ZNF780B: variants seen among roughly 807,000 people sequenced by gnomAD.
ZNF780B encodes the protein zinc finger protein 779.
A neutral mutation model predicts 74.1 loss-of-function variants in ZNF780B; 52 were observed. The observed-to-expected ratio is 0.70, with a 90% CI of 0.56 to 0.88. The LOEUF (loss-of-function observed/expected upper bound fraction) is 0.88. ZNF780B is among the 40% of genes least tolerant of loss of function. The probability of loss-of-function intolerance (pLI) is 0.00; values close to 1 mark genes in which losing one functional copy is unlikely to be tolerated. For missense variants in ZNF780B, 953 were observed against 1,007.6 expected (o/e 0.95, Z 0.73); for synonymous variants, 315 against 324.3 (o/e 0.97, Z 0.31).
chr19:40,041,896 GC>G (rs1357113268), intron 4 of ZNF780B, among the ~76,000 whole-genome samples: 1 of 152,158 alleles, frequency 6.6e-6, no homozygotes. Context: ...GGAGAATTTA[GC>G]CCATTTACAT....
Position 40,050,379 on chromosome 19 carries a change from T to C in ZNF780B, c.-45-2A>G, listed in dbSNP as rs924383467. On this transcript the variant is annotated splice_acceptor_variant, in intron 1 of 4. Coordinates refer to ENST00000434248, the MANE Select transcript of ZNF780B (RefSeq NM_001005851.3). LOFTEE classifies it low-confidence loss of function (5UTR_SPLICE). ...GTCAATCTTCCTCGGGCTTCTCCCCTGGAAAACAACAACAACAAAAAGGCC... is the reference window on the plus strand; with the variant it reads ...GTCAATCTTCCTCGGGCTTCTCCCCCGGAAAACAACAACAACAAAAAGGCC... 9 of 1,580,554 alleles carry C rather than the reference T, an allele frequency of 5.7e-6. No homozygotes were observed. Among genetic ancestry groups the C allele is most frequent in the Admixed American group, 1.8e-5 (1 of 57,040 alleles).
At position 40,050,356 on chromosome 19, in the gene ZNF780B, C is replaced by T; in HGVS notation, c.-24G>A. ...ATGTTTCTAGAATTACAAAATTGGT[C>T]AATCTTCCTCGGGCTTCTCCCCTGG... is the stretch of plus-strand genomic sequence containing the variant. On this transcript the variant is annotated 5_prime_UTR_variant, in exon 2 of 5. Coordinates refer to ENST00000434248, the MANE Select transcript of ZNF780B (RefSeq NM_001005851.3). 3.8e-6 allele frequency: 6 copies of T among 1,590,802 alleles called. No individual in the cohort carries two copies. Among genetic ancestry groups the T allele is most frequent in the Non-Finnish European group, 5.1e-6 (6 of 1,174,800 alleles).
At position 40,048,669 on chromosome 19, in the gene ZNF780B, C is replaced by T. The variant is rs746072082; in HGVS notation, c.136+1G>A. 1 of 1,614,186 alleles carries T rather than the reference C, an allele frequency of 6.2e-7. No individual in the cohort carries two copies. Among genetic ancestry groups the T allele is most frequent in the Non-Finnish European group, 8.5e-7 (1 of 1,180,022 alleles). On this transcript the variant is annotated splice_donor_variant, in intron 3 of 4. Transcript: ENST00000434248. LOFTEE classifies it high-confidence loss of function. ...AAAATAACTGGGACCAATGACCTTA[C>T]CCAGTGATATCAGGTGGCTGTAGTT...
At chr19:40,052,761 A>G (rs1219076139) in intron 1 of ZNF780B, among the ~76,000 whole-genome samples, 1 of 152,174 alleles carries the variant, frequency 6.6e-6, no homozygotes, top group Non-Finnish European at 1.5e-5. Context: ...GGAACAGAAT[A>G]GAGAGCCCCA....
At position 40,036,175 on chromosome 19, in the gene ZNF780B, T is replaced by C; in HGVS notation, c.684A>G (p.Lys228=). The C allele has an allele frequency of 6.2e-7, 1 of 1,613,826 alleles. No homozygotes were observed. The highest frequency in any genetic ancestry group is 8.5e-7 in the Non-Finnish European group (1 of 1,179,916). Residue 228 remains lysine, a synonymous_variant, in exon 5 of 5, where the codon AAA becomes AAG. Transcript: ENST00000434248. ...EKTFECKECG[K]AFNLPTQLNR... The stretch of plus-strand genomic sequence containing the variant: ...TAAGCTGGGTGGGAAGATTAAAGGC[T>C]TTTCCACATTCCTTACATTCAAAAG...
In ZNF780B at chr19:40,032,861, G is replaced by C. The variant is rs1041322832; in HGVS notation, c.*1496C>G. 2 of 153,172 alleles carry C rather than the reference G, an allele frequency of 1.3e-5. No individual in the cohort carries two copies. The highest frequency in any genetic ancestry group is 4.8e-5 in the African/African-American group (2 of 41,382). 9.5% of individuals were successfully genotyped at this position (153,172 alleles called of 1,614,324 possible). ...TATGGTACTATGGTTATATGATATT[G>C]TCTTTATGTTTGGGTAACACACATG... On this transcript the variant is annotated 3_prime_UTR_variant, in exon 5 of 5. Transcript: ENST00000434248.
In ZNF780B at chr19:40,051,311, C is replaced by T. The variant is rs543735690; in HGVS notation, c.-45-934G>A. On this transcript the variant is annotated intron_variant, in intron 1 of 4. Coordinates refer to ENST00000434248, the MANE Select transcript of ZNF780B (RefSeq NM_001005851.3). The stretch of plus-strand genomic sequence containing the variant: ...ATGTACATACACATTTTTTTTCTTG[C>T]GAGGAAATTGTTCTCCAAATTAGAT... Among the ~76,000 whole-genome samples, 5 of 151,584 alleles carry T rather than the reference C, an allele frequency of 3.3e-5. No homozygotes were observed. The South Asian group carries it at 6.2e-4, about 19-fold the overall frequency.
chr19:40,044,644 G>A (rs953524046), intron 4 of ZNF780B, among the ~76,000 whole-genome samples: 3 of 152,106 alleles, frequency 2.0e-5, no homozygotes, highest in Non-Finnish European at 4.4e-5. Flanking sequence ...AGAAGTGAAA[G>A]GACAATATCT....
At chr19:40,043,783 C>T (rs900778611) in intron 4 of ZNF780B, among the ~76,000 whole-genome samples, 3 of 152,206 alleles carry the variant, frequency 2.0e-5, no homozygotes, top group Non-Finnish European at 4.4e-5. Context: ...GGGAGTGACC[C>T]GATTTTCCAG....
chr19:40,036,668 A>G, intron 4 of ZNF780B, 42 bp from the exon 5 acceptor site: 1 of 1,226,106 alleles, frequency 8.2e-7, no homozygotes, highest in Non-Finnish European at 1.1e-6. Context: ...ATTTTCCTAT[A>G]ACATACATGC....
intron 1 of ZNF780B, among the ~76,000 whole-genome samples, chr19:40,055,196 G>A (rs1196724732): frequency 1.4e-5 from 2 of 147,962 alleles, no homozygotes; most frequent in Admixed American, 6.7e-5. Flanking sequence ...AGAAGAGAGC[G>A]TACAGGAAGG....
Position 40,034,780 on chromosome 19 carries a change from A to T in ZNF780B, c.2079T>A (p.Ser693Arg), listed in dbSNP as rs757845169. 1 of 1,613,660 alleles carries T rather than the reference A, an allele frequency of 6.2e-7. No homozygotes were observed. The highest frequency in any genetic ancestry group is 8.5e-7 in the Non-Finnish European group (1 of 1,179,954). The change falls in exon 5 of 5, where the codon AGT (serine) becomes AGA (arginine). Residue 693 changes from serine to arginine, a missense_variant. Coordinates refer to ENST00000434248, the MANE Select transcript of ZNF780B (RefSeq NM_001005851.3). Reference protein sequence around the residue: ...NLIQHQKTHSSAKPFVCKECR... With the variant: ...NLIQHQKTHSRAKPFVCKECR... ...ACTCCTTACATACAAAGGGTTTCGC[A>T]CTGGAATGAGTTTTCTGATGCTGAA...
chr19:40,048,049 A>G (rs1464349122), intron 3 of ZNF780B, among the ~76,000 whole-genome samples: 1 of 152,242 alleles, frequency 6.6e-6, no homozygotes, highest in Admixed American at 6.5e-5. Context: ...CTACAAAACA[A>G]GTAACGGAAG....
In ZNF780B at chr19:40,043,713, G is replaced by A. The variant is rs932298724; in HGVS notation, c.232+3662C>T. Among the ~76,000 whole-genome samples, 8 of 152,234 alleles carry A rather than the reference G, an allele frequency of 5.3e-5. No homozygotes were observed. In the East Asian group the frequency reaches 5.8e-4, roughly 11 times the overall value. On this transcript the variant is annotated intron_variant, in intron 4 of 4. Transcript: ENST00000434248. Reference sequence around the variant, plus strand: ...GCATAGGACCCTCCGAGCCATGTGCGGGATATAATCTCCTGGTGTGCCGTT... The same window carrying A: ...GCATAGGACCCTCCGAGCCATGTGCAGGATATAATCTCCTGGTGTGCCGTT...
rs1568399979 is a variant in ZNF780B, at chr19:40,033,576, TCA to T, written c.*779_*780del. ...AATCCCAGGCCACGATGAAAGTTCT[TCA>T]CACATTCTTTTATGTTCACAGGATT... is the stretch of plus-strand genomic sequence containing the variant. On this transcript the variant is annotated 3_prime_UTR_variant, in exon 5 of 5. Transcript: ENST00000434248. The T allele has an allele frequency of 6.5e-6, 1 of 153,016 alleles. No homozygotes were observed. Among genetic ancestry groups the T allele is most frequent in the Non-Finnish European group, 1.5e-5 (1 of 68,430 alleles). 9.5% of individuals were successfully genotyped at this position (153,016 alleles called of 1,614,324 possible).
intron 4 of ZNF780B, among the ~76,000 whole-genome samples, chr19:40,041,532 T>C (rs1335377728): frequency 6.6e-6 from 1 of 152,212 alleles, no homozygotes; most frequent in African/African-American, 2.4e-5. Context: ...TATTATTGTG[T>C]GGCAGTCTAA....
intron 1 of ZNF780B, among the ~76,000 whole-genome samples, chr19:40,050,654 T>C (rs1201543104): frequency 6.6e-6 from 1 of 152,242 alleles, no homozygotes; most frequent in Non-Finnish European, 1.5e-5. Context: ...TGCCTTGAAG[T>C]TGTGGCTTCC....
At chr19:40,055,366 T>C (rs1308257178) in intron 1 of ZNF780B, 2 of 152,166 alleles carry the variant, frequency 1.3e-5, no homozygotes, top group African/African-American at 2.4e-5. Context: ...AACCTCTATA[T>C]TCTAAAATCA....
chr19:40,044,962 T>G (rs1353474550), intron 4 of ZNF780B, among the ~76,000 whole-genome samples: 1 of 152,142 alleles, frequency 6.6e-6, no homozygotes, highest in Non-Finnish European at 1.5e-5. Context: ...CTCTTCTCAC[T>G]GGTAAAGACA....
Sources: allele counts gnomAD v4.1 joint callset (sites outside exome capture counted in the v4.1 genomes callset), GRCh38; gene constraint gnomAD v4.1.1; transcripts MANE v1.5; gene names NCBI Gene and HGNC (gene_info 2026-07-23, HGNC 2026-07-21).